Variants in ADAMTS6 observed in about 807,000 individuals in gnomAD.
ADAMTS6 encodes A disintegrin and metalloproteinase with thrombospondin motifs 6.
Under a neutral mutation model 144.3 loss-of-function variants are expected in ADAMTS6, and 23 were observed. That is an observed-to-expected ratio of 0.16 (90% confidence interval 0.11 to 0.23). ADAMTS6 has a LOEUF of 0.23. Among genes scored for constraint, ADAMTS6 ranks in the 10% least tolerant of loss-of-function variants. ADAMTS6 has a pLI of 1.00. For missense variants in ADAMTS6, 999 were observed against 1,379.6 expected (o/e 0.72, Z 4.37); for synonymous variants, 444 against 457.5 (o/e 0.97, Z 0.38).
chr5:65,358,859 A>C (rs946845455), intron 7 of ADAMTS6, among the ~76,000 whole-genome samples: 2 of 152,068 alleles, frequency 1.3e-5, no homozygotes, highest in African/African-American at 4.8e-5. Context: ...AACTCACATC[A>C]TATACAAAAA....
rs548172223 is a variant in ADAMTS6, at chr5:65,184,077, T to G, written c.2910+3939A>C. On this transcript the variant is annotated intron_variant, in intron 22 of 24. Transcript: ENST00000381055. ...GCCTATTTTTTCCTCTTTATTCATA[T>G]AATTAGAATCTCATGATCATTTAAA... Among the ~76,000 whole-genome samples, 5 of 152,336 alleles carry G rather than the reference T, an allele frequency of 3.3e-5. No individual in the cohort carries two copies. The South Asian group carries it at 1.0e-3, about 32-fold the overall frequency.
intron 7 of ADAMTS6, among the ~76,000 whole-genome samples, chr5:65,375,456 G>A (rs1265234856): frequency 2.2e-4 from 33 of 152,000 alleles, no homozygotes; most frequent in African/African-American, 7.5e-4. Context: ...CGAAGGACAT[G>A]AACAGACACT....
chr5:65,189,173 C>CA (rs1266907709), intron 21 of ADAMTS6, among the ~76,000 whole-genome samples: 4 of 152,230 alleles, frequency 2.6e-5, no homozygotes, highest in African/African-American at 9.6e-5. Flanking sequence ...AGGTATACTA[C>CA]ACCTTTACCC....
At chr5:65,212,198 T>A (rs1024691466) in intron 20 of ADAMTS6, among the ~76,000 whole-genome samples, 1 of 152,202 alleles carries the variant, frequency 6.6e-6, no homozygotes, top group African/African-American at 2.4e-5. Context: ...GACCAGACTT[T>A]AAGAACCACT....
intron 24 of ADAMTS6, among the ~76,000 whole-genome samples, chr5:65,166,346 T>C (rs1379634634): frequency 1.2e-5 from 1 of 86,552 alleles, no homozygotes; most frequent in Non-Finnish European, 2.3e-5. Flanking sequence ...CCTAAATATA[T>C]ATGCACCCAA....
At position 65,280,711 on chromosome 5, in the gene ADAMTS6, T is replaced by G. The variant is rs1455073160; in HGVS notation, c.1513-7264A>C. ...TTTAGTTGAGTTTATTAGTTTTATT[T>G]TATCTAGCATTCTTGTTTTCATACC... On this transcript the variant is annotated intron_variant, in intron 11 of 24. Transcript: ENST00000381055. 2.6e-5 allele frequency among the ~76,000 whole-genome samples: 4 copies of G among 152,210 alleles called. No homozygotes were observed. The East Asian group carries it at 7.7e-4, about 29-fold the overall frequency.
intron 22 of ADAMTS6, among the ~76,000 whole-genome samples, chr5:65,179,956 G>GCACA (rs567959273): frequency 1.5e-4 from 22 of 142,374 alleles, no homozygotes; most frequent in African/African-American, 6.1e-4. Flanking sequence ...GTGCACGCAC[G>GCACA]CGCACACACA....
intron 7 of ADAMTS6, among the ~76,000 whole-genome samples, chr5:65,436,268 G>A (rs1053045671): frequency 1.5e-4 from 23 of 152,046 alleles, no homozygotes; most frequent in African/African-American, 3.1e-4. Flanking sequence ...CCATAGTGGC[G>A]CGACTGCACT....
chr5:65,213,634 CAA>C (rs548001753), intron 20 of ADAMTS6, among the ~76,000 whole-genome samples: 4 of 132,226 alleles, frequency 3.0e-5, no homozygotes, highest in Admixed American at 7.6e-5. Context: ...AAACCTGTCT[CAA>C]AAAAAAAAAA....
intron 21 of ADAMTS6, among the ~76,000 whole-genome samples, chr5:65,189,681 G>A (rs1241339397): frequency 6.6e-6 from 1 of 152,186 alleles, no homozygotes; most frequent in Non-Finnish European, 1.5e-5. Flanking sequence ...CTACGTTCAA[G>A]GCATTGTGCT....
chr5:65,215,919 C>G (rs1403504029), intron 18 of ADAMTS6, among the ~76,000 whole-genome samples: 2 of 152,010 alleles, frequency 1.3e-5, no homozygotes, highest in Non-Finnish European at 2.9e-5. Context: ...AAGAAATAGA[C>G]CCAAGTTCAT....
rs1761632729 is a variant in ADAMTS6, at chr5:65,266,416, G to A, written c.1621-3454C>T. 2.0e-5 allele frequency among the ~76,000 whole-genome samples: 3 copies of A among 151,868 alleles called. 1 individual carries two copies. In the South Asian group the frequency reaches 6.2e-4, roughly 32 times the overall value. On this transcript the variant is annotated intron_variant, in intron 12 of 24. Transcript: ENST00000381055. The stretch of plus-strand genomic sequence containing the variant: ...ATAGGTAATTTTATCAGAAAGTTAA[G>A]TAACAAACATTAATGGGTAAATAAT...
At chr5:65,430,782 C>T (rs1561535260) in intron 7 of ADAMTS6, among the ~76,000 whole-genome samples, 1 of 152,180 alleles carries the variant, frequency 6.6e-6, no homozygotes, top group Non-Finnish European at 1.5e-5. Flanking sequence ...ATCTCATTTA[C>T]ACATGTTTTT....
At position 65,288,802 on chromosome 5, in the gene ADAMTS6, A is replaced by T. The variant is rs138743935; in HGVS notation, c.1512+2527T>A. Among the ~76,000 whole-genome samples the T allele has an allele frequency of 8.8e-3, 1,340 of 152,224 alleles. 22 individuals are homozygous for T. Among genetic ancestry groups the T allele is most frequent in the African/African-American group, 0.03 (1,250 of 41,544 alleles). On this transcript the variant is annotated intron_variant, in intron 11 of 24. Transcript: ENST00000381055. ...ATGCTACACTTAGACAGCTACCTAA[A>T]TCAGGGCTGGTTTGTTTTTCCCTTC...
At chr5:65,170,176 G>C (rs1753527439) in intron 24 of ADAMTS6, among the ~76,000 whole-genome samples, 1 of 152,132 alleles carries the variant, frequency 6.6e-6, no homozygotes, top group African/African-American at 2.4e-5. Flanking sequence ...AATGCAAGTA[G>C]TTTCAAACAT....
intron 22 of ADAMTS6, among the ~76,000 whole-genome samples, chr5:65,187,473 T>C (rs1429833085): frequency 1.3e-5 from 2 of 152,170 alleles, no homozygotes; most frequent in Non-Finnish European, 2.9e-5. Flanking sequence ...ACAGTTGAAA[T>C]AGAAGACATA....
chr5:65,207,828 C>T (rs1042234299), intron 20 of ADAMTS6, among the ~76,000 whole-genome samples: 7 of 152,298 alleles, frequency 4.6e-5, no homozygotes, highest in Admixed American at 2.0e-4. Context: ...GTTGAATACC[C>T]GACCATCTAC....
intron 7 of ADAMTS6, among the ~76,000 whole-genome samples, chr5:65,374,579 A>G (rs909069704): frequency 6.6e-6 from 1 of 152,064 alleles, no homozygotes; most frequent in African/African-American, 2.4e-5. Flanking sequence ...TTCAAGGAGA[A>G]CTACAAACCA....
At chr5:65,219,665 C>T (rs1757173019) in intron 18 of ADAMTS6, among the ~76,000 whole-genome samples, 1 of 152,126 alleles carries the variant, frequency 6.6e-6, no homozygotes, top group Non-Finnish European at 1.5e-5. Context: ...GCCTCTGCCT[C>T]CTGAGTGGTT....
Sources: allele counts gnomAD v4.1 joint callset (sites outside exome capture counted in the v4.1 genomes callset), GRCh38; gene constraint gnomAD v4.1.1; transcripts MANE v1.5; gene names NCBI Gene and HGNC (gene_info 2026-07-23, HGNC 2026-07-21).